ROBO1: variants seen among roughly 807,000 people sequenced by gnomAD.
The protein encoded by ROBO1 is roundabout homolog 1.
Under a neutral mutation model 195.9 loss-of-function variants are expected in ROBO1, and 149 were observed. The observed-to-expected ratio is 0.76, with a 90% CI of 0.67 to 0.87. The LOEUF (loss-of-function observed/expected upper bound fraction) is 0.87, where lower values mean the gene tolerates loss of function less well. Ranked by LOEUF, ROBO1 falls within the 40% of genes least tolerant of loss-of-function variation. The probability of loss-of-function intolerance (pLI) is 0.00; values close to 1 mark genes in which losing one functional copy is unlikely to be tolerated. For synonymous variants in ROBO1, 816 were observed against 733.2 expected, an observed-to-expected ratio of 1.11 and a Z score of -1.82; for missense variants, 1,933 against 2,068.3, an observed-to-expected ratio of 0.93 and a Z score of 1.27.
intron 3 of ROBO1, among the ~76,000 whole-genome samples, chr3:78,947,114 C>T (rs535227453): frequency 3.5e-4 from 52 of 147,798 alleles, no homozygotes; most frequent in African/African-American, 1.4e-3. Context: ...GACAGATCAA[C>T]AAGACAGAAA....
intron 2 of ROBO1, among the ~76,000 whole-genome samples, chr3:79,152,884 A>G (rs2080797171): frequency 6.6e-6 from 1 of 151,772 alleles, no homozygotes; most frequent in South Asian, 2.1e-4. Context: ...TCAGCAGAAG[A>G]CACAGCATGT....
At chr3:78,865,291 C>T (rs546442565) in intron 4 of ROBO1, among the ~76,000 whole-genome samples, 5 of 152,238 alleles carry the variant, frequency 3.3e-5, no homozygotes, top group African/African-American at 1.2e-4. Flanking sequence ...CACAGCAATA[C>T]TTCTGTGGTG....
rs569443007 is a variant in ROBO1 at position 79,155,590 on chromosome 3, G to A, written c.89-30051C>T. ...AAAACAATCTCTCTTCTCTGCTTCAGTACAGTCCATAGTACATGTGGCAAG... is the reference window on the plus strand; with the variant it reads ...AAAACAATCTCTCTTCTCTGCTTCAATACAGTCCATAGTACATGTGGCAAG... On this transcript the variant is annotated intron_variant, in intron 2 of 30. Coordinates refer to ENST00000464233, the MANE Select transcript of ROBO1 (RefSeq NM_002941.4). Among the ~76,000 whole-genome samples the A allele has an allele frequency of 4.6e-5, 7 of 151,764 alleles. No homozygotes were observed. The East Asian group carries it at 1.2e-3, about 25-fold the overall frequency.
chr3:79,282,935 T>C (rs1320301600), intron 2 of ROBO1, among the ~76,000 whole-genome samples: 4 of 152,266 alleles, frequency 2.6e-5, no homozygotes, highest in Non-Finnish European at 1.5e-5. Flanking sequence ...TCTAACACAT[T>C]TCAGGTTGAT....
chr3:78,598,777 C>A lies in ROBO1; in HGVS notation c.*136G>T. 1.9e-6 allele frequency: 1 copy of A among 527,242 alleles called. No individual in the cohort carries two copies. 32.7% of individuals were successfully genotyped at this position (527,242 alleles called of 1,614,324 possible). On this transcript the variant is annotated 3_prime_UTR_variant, in exon 31 of 31. Transcript: ENST00000464233. ...CCAATAAAGTTTTTAAAATGATATC[C>A]CAATAAGAGGAATAAAAACGACAAT...
chr3:79,542,722 G>A (rs1942119676), intron 2 of ROBO1, among the ~76,000 whole-genome samples: 1 of 152,040 alleles, frequency 6.6e-6, no homozygotes, highest in East Asian at 1.9e-4. Flanking sequence ...GATTGAGTCT[G>A]TAATCACTCA....
chr3:78,668,074 A>G (rs755293355), intron 13 of ROBO1, 25 bp from the exon 14 acceptor site: 1 of 1,612,470 alleles, frequency 6.2e-7, no homozygotes, highest in Non-Finnish European at 8.5e-7. Context: ...ACAGGTTAGA[A>G]CATGCGTATT....
At chr3:78,753,212 C>A (rs777134811) in intron 4 of ROBO1, among the ~76,000 whole-genome samples, 1 of 152,066 alleles carries the variant, frequency 6.6e-6, no homozygotes, top group African/African-American at 2.4e-5. Flanking sequence ...GATGGAGAAG[C>A]AAGCTAACTT....
intron 5 of ROBO1, among the ~76,000 whole-genome samples, chr3:78,741,094 G>C (rs112071163): frequency 8.6e-4 from 131 of 152,050 alleles, no homozygotes; most frequent in African/African-American, 2.7e-3. Context: ...TTATCACCTA[G>C]GTACTATTAA....
At chr3:78,645,245 C>T (rs943409691) in intron 21 of ROBO1, among the ~76,000 whole-genome samples, 7 of 151,986 alleles carry the variant, frequency 4.6e-5, no homozygotes, top group African/African-American at 1.7e-4. Context: ...TTGTTATATA[C>T]TAAATTCAGT....
At chr3:79,636,189 G>T (rs760273725) in intron 1 of ROBO1, among the ~76,000 whole-genome samples, 14 of 152,176 alleles carry the variant, frequency 9.2e-5, no homozygotes, top group Non-Finnish European at 1.6e-4. Context: ...TTGTACTCTG[G>T]CTTCCTTTTA....
chr3:78,747,791 C>A (rs1030567666), intron 4 of ROBO1, among the ~76,000 whole-genome samples: 1 of 152,052 alleles, frequency 6.6e-6, no homozygotes, highest in African/African-American at 2.4e-5. Flanking sequence ...GGAAAAGAAA[C>A]CAAATACATA....
At chr3:79,411,886 A>G (rs2037783220) in intron 2 of ROBO1, among the ~76,000 whole-genome samples, 1 of 152,176 alleles carries the variant, frequency 6.6e-6, no homozygotes, top group Non-Finnish European at 1.5e-5. Context: ...GAAAAAACAG[A>G]AATGCACCAA....
intron 1 of ROBO1, among the ~76,000 whole-genome samples, chr3:79,653,438 T>A (rs2106764937): frequency 6.6e-6 from 1 of 152,080 alleles, no homozygotes; most frequent in Admixed American, 6.6e-5. Flanking sequence ...CTTCGAATAA[T>A]AAAATGTTAA....
At chr3:78,860,128 TAGG>T (rs2034710038) in intron 4 of ROBO1, among the ~76,000 whole-genome samples, 1 of 129,976 alleles carries the variant, frequency 7.7e-6, no homozygotes, top group African/African-American at 3.0e-5. Flanking sequence ...GGAACATAGG[TAGG>T]TAGATAGGTA....
At chr3:79,386,390 G>T (rs1231548783) in intron 2 of ROBO1, among the ~76,000 whole-genome samples, 1 of 152,046 alleles carries the variant, frequency 6.6e-6, no homozygotes, top group Non-Finnish European at 1.5e-5. Context: ...TATTGAGGTT[G>T]TTCTATTCAT....
rs577815651 is a variant in ROBO1 at position 79,661,831 on chromosome 3, C to A, written c.-50-71870G>T. Among the ~76,000 whole-genome samples the A allele has an allele frequency of 3.3e-5, 5 of 152,112 alleles. No individual in the cohort carries two copies. The East Asian group carries it at 9.7e-4, about 30-fold the overall frequency. ...TTGAAAATAACTTAGATGCTGTCAG[C>A]TGGTTAACAGCAGGGAATGTAGCAA... is the stretch of plus-strand genomic sequence containing the variant. On this transcript the variant is annotated intron_variant, in intron 1 of 30. Transcript: ENST00000464233.
chr3:78,719,000 C>T (rs1187231477), intron 5 of ROBO1, among the ~76,000 whole-genome samples: 1 of 152,146 alleles, frequency 6.6e-6, no homozygotes, highest in Non-Finnish European at 1.5e-5. Flanking sequence ...GTTTTGAATG[C>T]CTAAATGGCT....
intron 2 of ROBO1, among the ~76,000 whole-genome samples, chr3:79,548,214 T>G (rs1942344412): frequency 6.6e-6 from 1 of 152,208 alleles, no homozygotes; most frequent in Admixed American, 6.5e-5. Context: ...TGACCCTCGC[T>G]GTGCAAGTTC....
Sources: gnomAD v4.1 joint callset for allele counts (sites outside exome capture counted in the v4.1 genomes callset) on GRCh38, gnomAD v4.1.1 for gene constraint, MANE v1.5 for transcripts, NCBI Gene and HGNC (gene_info 2026-07-23, HGNC 2026-07-21) for gene names.